The following MMP26 variants were observed in gnomAD, a reference collection of about 807,000 sequenced individuals.
The protein encoded by MMP26 is matrix metalloproteinase-26.
Under a neutral mutation model 31.0 loss-of-function variants are expected in MMP26, and 33 were observed. That is an observed-to-expected ratio of 1.06 (90% CI 0.81 to 1.42). The LOEUF (loss-of-function observed/expected upper bound fraction) is 1.42, where lower values mean the gene tolerates loss of function less well. Ranked by LOEUF, MMP26 falls within the 40% of genes most tolerant of loss-of-function variation. The pLI, the probability that MMP26 is intolerant of heterozygous loss-of-function variation, is 0.00. For missense variants in MMP26, 347 were observed against 316.1 expected (o/e 1.10, Z -0.74); for synonymous variants, 122 against 114.9 (o/e 1.06, Z -0.40).
chr11:4,955,513 C>A, intron 2 of MMP26: 2 of 1,315,936 alleles, frequency 1.5e-6, no homozygotes, highest in Non-Finnish European at 2.1e-6. Context: ...ACATAGCCAA[C>A]ATGGAAAGAA....
At chr11:4,748,640 G>C (rs986166779) in intron 1 of MMP26, among the ~76,000 whole-genome samples, 1 of 148,006 alleles carries the variant, frequency 6.8e-6, no homozygotes, top group South Asian at 2.1e-4. Context: ...ATGTCGCAAC[G>C]TAGGCAAATC....
intron 2 of MMP26, among the ~76,000 whole-genome samples, chr11:4,912,128 A>ATT (rs1456270311): frequency 6.6e-6 from 1 of 152,174 alleles, no homozygotes. Context: ...AAAGTAACTA[A>ATT]AGTTTATTGT....
intron 2 of MMP26, among the ~76,000 whole-genome samples, chr11:4,774,512 A>C (rs1848766495): frequency 6.6e-6 from 1 of 152,164 alleles, no homozygotes. Flanking sequence ...AGTTCCTTGT[A>C]GATTCTGGAT....
intron 2 of MMP26, among the ~76,000 whole-genome samples, chr11:4,903,178 G>A (rs560281214): frequency 2.0e-5 from 3 of 151,876 alleles, no homozygotes; most frequent in Admixed American, 6.6e-5. Flanking sequence ...TGAATAAAAC[G>A]CAGGATACTC....
At chr11:4,946,136 A>AG in intron 2 of MMP26, 1 of 1,594,448 alleles carries the variant, frequency 6.3e-7, no homozygotes, top group Non-Finnish European at 8.6e-7. Flanking sequence ...AGACATTTCC[A>AG]GGTTTTCTGT....
intron 2 of MMP26, among the ~76,000 whole-genome samples, chr11:4,978,941 C>G (rs1377512180): frequency 6.6e-6 from 1 of 152,012 alleles, no homozygotes; most frequent in Admixed American, 6.6e-5. Context: ...AATCTACCAG[C>G]AAGATATGAC....
Position 4,855,448 on chromosome 11 carries a change from G to C in MMP26, c.-145+88107G>C, listed in dbSNP as rs907040862. ...ATGCACAAGCTTCAGTAGACGATTCGATCAAGTGGAAGAAAGGGTATCAGT... is the reference window on the plus strand; with the variant it reads ...ATGCACAAGCTTCAGTAGACGATTCCATCAAGTGGAAGAAAGGGTATCAGT... On this transcript the variant is annotated intron_variant, in intron 2 of 7. Coordinates refer to ENST00000380390, the MANE Select transcript of MMP26 (RefSeq NM_021801.5). 2.0e-5 allele frequency among the ~76,000 whole-genome samples: 3 copies of C among 152,236 alleles called. No individual in the cohort carries two copies. The East Asian group carries it at 5.8e-4, about 29-fold the overall frequency.
chr11:4,975,250 C>T (rs749464378), intron 2 of MMP26, among the ~76,000 whole-genome samples: 18 of 151,980 alleles, frequency 1.2e-4, no homozygotes, highest in Non-Finnish European at 1.5e-4. Flanking sequence ...AAGATCCTCA[C>T]GCAAAATCAG....
chr11:4,855,479 A>C (rs547475605), intron 2 of MMP26, among the ~76,000 whole-genome samples: 1 of 152,324 alleles, frequency 6.6e-6, no homozygotes, highest in East Asian at 1.9e-4. Context: ...TCAGTGATTG[A>C]AGATCAAATC....
At chr11:4,779,814 G>A (rs534159530) in intron 2 of MMP26, among the ~76,000 whole-genome samples, 2 of 152,002 alleles carry the variant, frequency 1.3e-5, no homozygotes, top group African/African-American at 2.4e-5. Context: ...CCATCACCAA[G>A]CTTAAGACAC....
At chr11:4,902,817 C>A (rs538242734) in intron 2 of MMP26, among the ~76,000 whole-genome samples, 41 of 152,232 alleles carry the variant, frequency 2.7e-4, no homozygotes, top group African/African-American at 8.4e-4. Context: ...TGGGAACTAG[C>A]AATGAGTGGG....
intron 2 of MMP26, among the ~76,000 whole-genome samples, chr11:4,817,733 C>T (rs1849440845): frequency 6.6e-6 from 1 of 152,200 alleles, no homozygotes; most frequent in Admixed American, 6.5e-5. Flanking sequence ...GGATCTGCTT[C>T]AGTCTAGTGT....
chr11:4,893,662 T>G (rs1042008730), intron 2 of MMP26, among the ~76,000 whole-genome samples: 1 of 152,230 alleles, frequency 6.6e-6, no homozygotes, highest in African/African-American at 2.4e-5. Flanking sequence ...TATTGTTTTG[T>G]GTGCCTCTGC....
intron 2 of MMP26, among the ~76,000 whole-genome samples, chr11:4,971,172 C>T (rs1320960400): frequency 2.0e-5 from 3 of 152,182 alleles, no homozygotes; most frequent in Admixed American, 2.0e-4. Context: ...CCACTCAAGA[C>T]AGAGCCAGGA....
At chr11:4,914,909 G>GCA in intron 2 of MMP26, 2 of 1,614,148 alleles carry the variant, frequency 1.2e-6, no homozygotes, top group Non-Finnish European at 1.7e-6. Flanking sequence ...GAGCAGCACA[G>GCA]CACAGATGTG....
chr11:4,853,232 C>A (rs1251036889), intron 2 of MMP26, among the ~76,000 whole-genome samples: 1 of 152,028 alleles, frequency 6.6e-6, no homozygotes, highest in African/African-American at 2.4e-5. Context: ...TACAAACATG[C>A]ACACACACAC....
At chr11:4,946,380 T>C in intron 2 of MMP26, 1 of 1,613,612 alleles carries the variant, frequency 6.2e-7, no homozygotes, top group Non-Finnish European at 8.5e-7. Context: ...GAAACACAAG[T>C]ATTGAGAGCC....
At position 4,990,667 on chromosome 11, in the gene MMP26, C is replaced by G; in HGVS notation, c.390C>G (p.Ile130Met). ...ACAGTATATATAATGCAGTTTCCATCTGGAGCAATGTGACCCCTTTGATAT... is the reference window on the plus strand; with the variant it reads ...ACAGTATATATAATGCAGTTTCCATGTGGAGCAATGTGACCCCTTTGATAT... The part of the protein sequence containing the change: ...VKDSIYNAVS[I>M]WSNVTPLIFQ... Residue 130 changes from isoleucine (I) to methionine (M), a missense_variant, in exon 5 of 8, where the codon ATC becomes ATG. Ile to Met is a conservative substitution (Grantham distance 10). Transcript: ENST00000380390. 6.2e-7 allele frequency: 1 copy of G among 1,614,092 alleles called. No homozygotes were observed. Among genetic ancestry groups the G allele is most frequent in the Non-Finnish European group, 8.5e-7 (1 of 1,179,980 alleles).
intron 2 of MMP26, among the ~76,000 whole-genome samples, chr11:4,779,824 C>G (rs2164014): frequency 0.095 from 14,395 of 152,068 alleles, 848 homozygotes; most frequent in Middle Eastern, 0.15. Flanking sequence ...GCTTAAGACA[C>G]AGAGCATTAC....
Sources: gnomAD v4.1 joint callset for allele counts (sites outside exome capture counted in the v4.1 genomes callset) on GRCh38, gnomAD v4.1.1 for gene constraint, MANE v1.5 for transcripts, NCBI Gene and HGNC (gene_info 2026-07-23, HGNC 2026-07-21) for gene names.